The following SHISA9 variants were observed in gnomAD, a reference collection of about 807,000 sequenced individuals.
SHISA9 encodes the protein shisa family member 9, also known as protein shisa-9.
A neutral mutation model predicts 38.0 loss-of-function variants in SHISA9; 13 were observed. That is an observed-to-expected ratio of 0.34 (90% CI 0.22 to 0.54). SHISA9 has a LOEUF of 0.54. Among genes scored for constraint, SHISA9 ranks in the 20% least tolerant of loss-of-function variants. The pLI is 0.91. For synonymous variants in SHISA9, 275 were observed against 242.0 expected, an observed-to-expected ratio of 1.14 and a Z score of -1.27; for missense variants, 538 against 575.8, an observed-to-expected ratio of 0.93 and a Z score of 0.67.
At chr16:13,252,878 T>C in the SHISA9 span, among the ~76,000 whole-genome samples, 1 of 152,178 alleles carries the variant, frequency 6.6e-6, no homozygotes, top group Non-Finnish European at 1.5e-5. Context: ...AGTTGACCCT[T>C]GAACAACATG....
At chr16:13,451,293 C>T in the SHISA9 span, among the ~76,000 whole-genome samples, 27 of 152,352 alleles carry the variant, frequency 1.8e-4, no homozygotes, top group East Asian at 1.2e-3. Flanking sequence ...CCTGCCTTCA[C>T]CTCCCAAATC....
the SHISA9 span, among the ~76,000 whole-genome samples, chr16:13,437,500 G>C: frequency 2.0e-5 from 3 of 151,922 alleles, no homozygotes; most frequent in Admixed American, 1.3e-4. Flanking sequence ...CCTTTTGCCC[G>C]AGGCTGAGCA....
the SHISA9 span, among the ~76,000 whole-genome samples, chr16:13,246,807 A>G: frequency 6.6e-6 from 1 of 152,240 alleles, no homozygotes; most frequent in Admixed American, 6.5e-5. Context: ...AATTTCCTTA[A>G]CAAATACAAA....
the SHISA9 span, among the ~76,000 whole-genome samples, chr16:13,383,515 C>T: frequency 3.3e-5 from 5 of 151,982 alleles, no homozygotes; most frequent in East Asian, 1.9e-4. Context: ...AGAACATCTC[C>T]GAAAAGATGA....
At chr16:13,458,509 C>A in the SHISA9 span, 1 of 409,304 alleles carries the variant, frequency 2.4e-6, no homozygotes. Context: ...AGAAAAAACT[C>A]GATCAACAAT....
intron 2 of SHISA9, among the ~76,000 whole-genome samples, chr16:13,135,802 G>T (rs569990693): frequency 6.6e-6 from 1 of 152,320 alleles, no homozygotes; most frequent in South Asian, 2.1e-4. Flanking sequence ...CCAGATTGCA[G>T]AATTAGTAAT....
chr16:13,272,700 T>C, the SHISA9 span, among the ~76,000 whole-genome samples: 1 of 152,198 alleles, frequency 6.6e-6, no homozygotes, highest in Non-Finnish European at 1.5e-5. Context: ...TATGTGAGGA[T>C]TGAGTGAAAT....
At chr16:13,559,043 A>C in the SHISA9 span, among the ~76,000 whole-genome samples, 1 of 152,214 alleles carries the variant, frequency 6.6e-6, no homozygotes, top group African/African-American at 2.4e-5. Flanking sequence ...TGCCTTCCCC[A>C]CCACAATGTA....
chr16:13,029,480 C>G (rs1003737024), intron 2 of SHISA9, among the ~76,000 whole-genome samples: 1 of 152,184 alleles, frequency 6.6e-6, no homozygotes, highest in Non-Finnish European at 1.5e-5. Context: ...TGGTGGCACA[C>G]GCTTGTGGTC....
chr16:13,552,463 T>A, the SHISA9 span, among the ~76,000 whole-genome samples: 1 of 151,282 alleles, frequency 6.6e-6, no homozygotes, highest in Non-Finnish European at 1.5e-5. Flanking sequence ...GACATGGCAG[T>A]GGTCTTCATG....
chr16:13,012,970 C>A (rs2072696717), intron 2 of SHISA9, among the ~76,000 whole-genome samples: 1 of 152,162 alleles, frequency 6.6e-6, no homozygotes, highest in Non-Finnish European at 1.5e-5. Flanking sequence ...TTTCGGCATC[C>A]CGGAGGGAGG....
chr16:13,422,725 A>G, the SHISA9 span, among the ~76,000 whole-genome samples: 1 of 152,032 alleles, frequency 6.6e-6, no homozygotes, highest in East Asian at 1.9e-4. Context: ...AAAGAAACAA[A>G]CAAACAAAAA....
chr16:13,175,768 G>A (rs112212403), intron 2 of SHISA9, among the ~76,000 whole-genome samples: 3,139 of 152,328 alleles, frequency 0.021, 52 homozygotes, highest in Non-Finnish European at 0.027. Flanking sequence ...CCCAATGCTA[G>A]TAGCCTCCCC....
At chr16:12,912,735 T>G (rs2071202404) in intron 1 of SHISA9, among the ~76,000 whole-genome samples, 1 of 152,138 alleles carries the variant, frequency 6.6e-6, no homozygotes, top group African/African-American at 2.4e-5. Context: ...GGATTGCATC[T>G]CCTCCCAATC....
At chr16:12,990,900 A>G (rs922138281) in intron 2 of SHISA9, among the ~76,000 whole-genome samples, 1 of 152,232 alleles carries the variant, frequency 6.6e-6, no homozygotes, top group Non-Finnish European at 1.5e-5. Context: ...ATTGATTGCT[A>G]GAAGGGGAAT....
At chr16:13,383,951 G>T in the SHISA9 span, among the ~76,000 whole-genome samples, 12 of 152,070 alleles carry the variant, frequency 7.9e-5, no homozygotes, top group African/African-American at 2.4e-4. Flanking sequence ...CACCGTGCCC[G>T]GCCAACACCA....
chr16:12,910,709 A>G, intron 1 of SHISA9: 1 of 985,414 alleles, frequency 1.0e-6, no homozygotes, highest in Non-Finnish European at 1.2e-6. Flanking sequence ...GAAAAAGCTT[A>G]GCTTCTTCTT....
chr16:13,155,016 G>T (rs1184780052), intron 2 of SHISA9, among the ~76,000 whole-genome samples: 1 of 152,206 alleles, frequency 6.6e-6, no homozygotes, highest in African/African-American at 2.4e-5. Context: ...TCCTGTAGGA[G>T]TTATTGGCAT....
intron 1 of SHISA9, among the ~76,000 whole-genome samples, chr16:12,915,115 T>C (rs2071237414): frequency 1.3e-5 from 2 of 152,114 alleles, no homozygotes; most frequent in Non-Finnish European, 2.9e-5. Flanking sequence ...CAATTCTACT[T>C]GTGGGTTTGC....
Sources: gnomAD v4.1 joint callset for allele counts (sites outside exome capture counted in the v4.1 genomes callset) on GRCh38, gnomAD v4.1.1 for gene constraint, MANE v1.5 for transcripts, NCBI Gene and HGNC (gene_info 2026-07-23, HGNC 2026-07-21) for gene names.